The following SYT17 variants were observed in gnomAD, a reference collection of about 807,000 sequenced individuals.
SYT17 encodes synaptotagmin 17, also known as synaptotagmin-17.
Under a neutral mutation model 46.7 loss-of-function variants are expected in SYT17, and 22 were observed. That is an observed-to-expected ratio of 0.47 (90% CI 0.34 to 0.67). The LOEUF (loss-of-function observed/expected upper bound fraction) is 0.67, where lower values mean the gene tolerates loss of function less well. Among genes scored for constraint, SYT17 ranks in the 30% least tolerant of loss-of-function variants. The pLI, the probability that SYT17 is intolerant of heterozygous loss-of-function variation, is 0.01. For synonymous variants in SYT17, 251 were observed against 248.4 expected (o/e 1.01, Z -0.10); for missense variants, 519 against 612.8 (o/e 0.85, Z 1.62).
chr16:19,218,769 G>T (rs989536017), intron 5 of SYT17, among the ~76,000 whole-genome samples: 1 of 152,190 alleles, frequency 6.6e-6, no homozygotes, highest in African/African-American at 2.4e-5. Flanking sequence ...TGGGCAGCTT[G>T]CCTTGGTTCC....
At chr16:19,236,883 G>A (rs1034852518) in intron 7 of SYT17, among the ~76,000 whole-genome samples, 3 of 152,162 alleles carry the variant, frequency 2.0e-5, no homozygotes, top group African/African-American at 7.2e-5. Context: ...CCCTCCCAGA[G>A]GTCTGGGTAA....
intron 7 of SYT17, among the ~76,000 whole-genome samples, chr16:19,233,216 T>C (rs1966768955): frequency 6.6e-6 from 1 of 152,114 alleles, no homozygotes. Flanking sequence ...AGCTGTAGCA[T>C]CAAATCAGCT....
At chr16:19,218,572 G>T (rs1036182924) in intron 5 of SYT17, among the ~76,000 whole-genome samples, 6 of 152,204 alleles carry the variant, frequency 3.9e-5, no homozygotes, top group South Asian at 2.1e-4. Context: ...ATGACTTCAG[G>T]AAGTGCCTTG....
chr16:19,195,442 A>G (rs576132722), intron 5 of SYT17, among the ~76,000 whole-genome samples: 5 of 150,354 alleles, frequency 3.3e-5, no homozygotes, highest in African/African-American at 1.2e-4. Context: ...GGGGGCAGGC[A>G]TGGTGGCTCA....
intron 5 of SYT17, among the ~76,000 whole-genome samples, chr16:19,216,606 C>G (rs1309776417): frequency 6.6e-6 from 1 of 152,104 alleles, no homozygotes; most frequent in Non-Finnish European, 1.5e-5. Context: ...TTGTTCAGCT[C>G]TCACTTATGA....
intron 7 of SYT17, among the ~76,000 whole-genome samples, chr16:19,254,020 C>A (rs969431971): frequency 6.6e-6 from 1 of 152,220 alleles, no homozygotes; most frequent in Non-Finnish European, 1.5e-5. Flanking sequence ...TGAACCACCG[C>A]ACCCAGTCCT....
At chr16:19,199,547 T>C (rs1279367916) in intron 5 of SYT17, among the ~76,000 whole-genome samples, 3 of 152,116 alleles carry the variant, frequency 2.0e-5, no homozygotes, top group African/African-American at 7.2e-5. Context: ...CAAACCAGCC[T>C]GGGCAACAAA....
chr16:19,186,646 T>C (rs1223912116), intron 5 of SYT17, among the ~76,000 whole-genome samples: 1 of 152,256 alleles, frequency 6.6e-6, no homozygotes, highest in Non-Finnish European at 1.5e-5. Context: ...CCTTTAATTG[T>C]GGGTTTGACT....
intron 5 of SYT17, among the ~76,000 whole-genome samples, chr16:19,202,279 C>T (rs575455551): frequency 6.6e-6 from 1 of 152,096 alleles, no homozygotes; most frequent in Non-Finnish European, 1.5e-5. Flanking sequence ...TCCTCAAGTT[C>T]AATAATTTGC....
chr16:19,182,114 T>C (rs572475702), intron 4 of SYT17, among the ~76,000 whole-genome samples: 2 of 150,878 alleles, frequency 1.3e-5, no homozygotes, highest in Admixed American at 1.3e-4. Context: ...TAAAATAAAA[T>C]ATTAAAATTA....
rs557125391 is a variant in SYT17, at chr16:19,261,311, A to G, written c.1229-5569A>G. ...TTTTTTTAAGACTGTTAAGATTGCC[A>G]TAACTTTACCAAGTGATTTGCAATT... On this transcript the variant is annotated intron_variant, in intron 7 of 7. Transcript: ENST00000355377. Among the ~76,000 whole-genome samples the G allele has an allele frequency of 4.5e-4, 68 of 152,264 alleles. 1 individual carries two copies. Among genetic ancestry groups the G allele is most frequent in the Non-Finnish European group, 1.8e-4 (12 of 68,054 alleles).
chr16:19,232,334 C>T (rs1460463510), intron 7 of SYT17, among the ~76,000 whole-genome samples: 8 of 152,196 alleles, frequency 5.3e-5, no homozygotes, highest in South Asian at 2.1e-4. Flanking sequence ...TTTTCACATG[C>T]ATCTGCGTCG....
chr16:19,241,670 G>A lies in SYT17; in HGVS notation c.1228+16832G>A, dbSNP rs546112103. On this transcript the variant is annotated intron_variant, in intron 7 of 7. Transcript: ENST00000355377. ...GTGGCCCCTAGGGCAGCAGGCTCTA[G>A]TGGAGGTTCCTGGGGGCAGGCTCTG... Among the ~76,000 whole-genome samples, 37 of 152,260 alleles carry A rather than the reference G, an allele frequency of 2.4e-4. No individual in the cohort carries two copies. The East Asian group carries it at 6.2e-3, about 25-fold the overall frequency.
chr16:19,179,243 T>C (rs1417961295), intron 3 of SYT17, among the ~76,000 whole-genome samples: 1 of 152,132 alleles, frequency 6.6e-6, no homozygotes, highest in African/African-American at 2.4e-5. Flanking sequence ...TCCTCCCGCC[T>C]TAGCCTCCCA....
chr16:19,247,324 A>G (rs1193272727), intron 7 of SYT17, among the ~76,000 whole-genome samples: 1 of 152,212 alleles, frequency 6.6e-6, no homozygotes, highest in East Asian at 1.9e-4. Context: ...ATCCTCACCT[A>G]TATCTCTGCT....
intron 7 of SYT17, among the ~76,000 whole-genome samples, chr16:19,245,835 C>A (rs59608113): frequency 2.0e-5 from 3 of 151,948 alleles, no homozygotes; most frequent in Non-Finnish European, 2.9e-5. Flanking sequence ...CACCTGAATG[C>A]GGTGACGTGA....
intron 5 of SYT17, among the ~76,000 whole-genome samples, chr16:19,216,435 A>T (rs1966099414): frequency 6.7e-6 from 1 of 149,914 alleles, no homozygotes; most frequent in African/African-American, 2.5e-5. Context: ...CAGAACGTGC[A>T]GGTTTGTTAC....
At chr16:19,256,013 T>C (rs529310418) in intron 7 of SYT17, among the ~76,000 whole-genome samples, 8 of 152,276 alleles carry the variant, frequency 5.3e-5, no homozygotes, top group African/African-American at 1.9e-4. Context: ...CTGGTCTAGG[T>C]CAGTCCCCAG....
chr16:19,183,631 A>G lies in SYT17; in HGVS notation c.435A>G (p.Arg145=), dbSNP rs1289470719. The change falls in exon 5 of 8, where the codon AGA becomes AGG. Residue 145 remains arginine, a synonymous_variant. Coordinates refer to ENST00000355377, the MANE Select transcript of SYT17 (RefSeq NM_016524.4). This position sits in a 1 kb window ranked among gnomAD's most constrained non-coding sequence, Gnocchi z 5.6. ...KKEPIQPSVL[R]RTYNPDDYFR... is the part of the protein sequence containing the mutation. ...AGCCCATCCAACCTTCGGTGCTCAG[A>G]CGGACCTATAACCCCGACGACTATT... 1 of 1,614,130 alleles carries G rather than the reference A, an allele frequency of 6.2e-7. No homozygotes were observed. Among genetic ancestry groups the G allele is most frequent in the Admixed American group, 1.7e-5 (1 of 60,016 alleles).
Sources: allele counts gnomAD v4.1 joint callset (sites outside exome capture counted in the v4.1 genomes callset), GRCh38; gene constraint gnomAD v4.1.1; non-coding constraint Gnocchi (gnomAD v3.1); transcripts MANE v1.5; gene names NCBI Gene and HGNC (gene_info 2026-07-23, HGNC 2026-07-21).